The following PACRGL variants were observed in gnomAD, a reference collection of about 807,000 sequenced individuals.
PACRGL encodes the protein parkin coregulated like.
A neutral mutation model predicts 34.5 loss-of-function variants in PACRGL; 38 were observed. The observed-to-expected ratio is 1.10, with a 90% confidence interval of 0.85 to 1.44. The LOEUF (loss-of-function observed/expected upper bound fraction) is 1.44, where lower values mean the gene tolerates loss of function less well. PACRGL is among the 40% of genes most tolerant of loss of function. The pLI, the probability that PACRGL is intolerant of heterozygous loss-of-function variation, is 0.00. For missense variants in PACRGL, 305 were observed against 281.4 expected (o/e 1.08, Z -0.60); for synonymous variants, 128 against 100.1 (o/e 1.28, Z -1.66).
chr4:20,712,908 C>A lies in PACRGL; in HGVS notation c.487C>A (p.Leu163Ile). The A allele has an allele frequency of 6.3e-7, 1 of 1,576,286 alleles. No individual in the cohort carries two copies. The highest frequency in any genetic ancestry group is 8.6e-7 in the Non-Finnish European group (1 of 1,158,724). ...TTTGCTACCTAGACTGATTCCTGTG[C>A]TAAAGGCAGCTCTGGTATGTCATTT... ...IPLLPRLIPV[L>I]KAALVHSDDE... Residue 163 changes from leucine to isoleucine, a missense_variant, in exon 6 of 9, where the codon CTA becomes ATA. Coordinates refer to ENST00000503585, the MANE Select transcript of PACRGL (RefSeq NM_001258345.3).
intron 6 of PACRGL, 183 bp downstream of exon 6, chr4:20,713,105 T>TG (rs1234719802): frequency 3.3e-6 from 2 of 603,400 alleles, no homozygotes; most frequent in Non-Finnish European, 5.3e-6. Flanking sequence ...ACTACATACT[T>TG]GAAGACATCT....
At chr4:20,719,500 A>AATAT (rs1157650364) in intron 7 of PACRGL, among the ~76,000 whole-genome samples, 3 of 152,210 alleles carry the variant, frequency 2.0e-5, no homozygotes, top group African/African-American at 7.2e-5. Flanking sequence ...CACTGCTTTA[A>AATAT]ATATGTCCCA....
chr4:20,740,858 A>G (rs937139073), intron 8 of PACRGL, among the ~76,000 whole-genome samples: 3 of 152,184 alleles, frequency 2.0e-5, no homozygotes, highest in Admixed American at 6.5e-5. Flanking sequence ...TAGGCTCAAA[A>G]TAAAGGGATG....
At chr4:20,700,222 C>G (rs906172142), upstream of PACRGL, among the ~76,000 whole-genome samples, 1 of 152,220 alleles carries the variant, frequency 6.6e-6, no homozygotes, top group African/African-American at 2.4e-5. Flanking sequence ...CCGTCATCGT[C>G]CCTCTGCTCT....
intron 8 of PACRGL, among the ~76,000 whole-genome samples, chr4:20,748,894 G>A (rs868801923): frequency 2.8e-5 from 4 of 145,248 alleles, no homozygotes; most frequent in Non-Finnish European, 4.5e-5. Flanking sequence ...GTGTGTGTGT[G>A]TATATATATA....
At position 20,725,830 on chromosome 4, in the gene PACRGL, C is replaced by T. The variant is rs1021701977; in HGVS notation, c.690+942C>T. 2.0e-5 allele frequency among the ~76,000 whole-genome samples: 3 copies of T among 151,586 alleles called. No homozygotes were observed. In the South Asian group the frequency reaches 6.3e-4, roughly 32 times the overall value. ...AAGAGGAAGTAAGTGTCTAAGCCTACTAGATAATGAATTTCTTTGTTGTGT... is the reference window on the plus strand; with the variant it reads ...AAGAGGAAGTAAGTGTCTAAGCCTATTAGATAATGAATTTCTTTGTTGTGT... On this transcript the variant is annotated intron_variant, in intron 8 of 8. Transcript: ENST00000503585.
At chr4:20,744,916 G>A (rs1752087535) in intron 8 of PACRGL, among the ~76,000 whole-genome samples, 1 of 152,148 alleles carries the variant, frequency 6.6e-6, no homozygotes, top group South Asian at 2.1e-4. Flanking sequence ...TCTGAGTCTA[G>A]TGATAGAGCC....
intron 3 of PACRGL, among the ~76,000 whole-genome samples, chr4:20,705,897 G>A (rs929010281): frequency 5.4e-5 from 8 of 146,964 alleles, no homozygotes; most frequent in Admixed American, 7.0e-5. Flanking sequence ...AGGCAGTGGA[G>A]GCATCTAGTG....
chr4:20,739,470 C>T (rs922604738), intron 8 of PACRGL, among the ~76,000 whole-genome samples: 1 of 152,180 alleles, frequency 6.6e-6, no homozygotes, highest in Admixed American at 6.5e-5. Context: ...AGTGGACCTC[C>T]AGCAAACTCC....
chr4:20,707,882 A>T lies in PACRGL; in HGVS notation c.275+12A>T. On this transcript the variant is annotated intron_variant, in intron 4 of 8. Transcript: ENST00000503585. ...GGTATTCCTTGCAGGTAAAATCAAT[A>T]TGATTTATAACTGACCAAATTATTC... is the stretch of plus-strand genomic sequence containing the variant. The T allele has an allele frequency of 6.3e-7, 1 of 1,593,614 alleles. No individual in the cohort carries two copies. The highest frequency in any genetic ancestry group is 8.6e-7 in the Non-Finnish European group (1 of 1,161,772).
intron 8 of PACRGL, among the ~76,000 whole-genome samples, chr4:20,751,843 C>T (rs142188094): frequency 6.6e-6 from 1 of 152,268 alleles, no homozygotes; most frequent in African/African-American, 2.4e-5. Context: ...AAATGTGCCT[C>T]TGCAGTTCTT....
rs1445185283 is a variant in PACRGL at position 20,707,338 on chromosome 4, A to G, written c.208-465A>G. ...GCATATATTTGTGAGAATCTTCCCC[A>G]TCTTCAATTCTCTCCCTCCTGCCCA... On this transcript the variant is annotated intron_variant, in intron 3 of 8. Transcript: ENST00000503585. Among the ~76,000 whole-genome samples, 4 of 152,284 alleles carry G rather than the reference A, an allele frequency of 2.6e-5. No individual in the cohort carries two copies. The East Asian group carries it at 5.8e-4, about 22-fold the overall frequency.
intron 7 of PACRGL, among the ~76,000 whole-genome samples, chr4:20,720,350 G>A (rs1010994992): frequency 3.3e-5 from 5 of 152,082 alleles, no homozygotes; most frequent in African/African-American, 1.2e-4. Flanking sequence ...GTATTGTTTT[G>A]TGTGAATCTG....
chr4:20,722,567 C>T (rs1484785338), intron 7 of PACRGL, among the ~76,000 whole-genome samples: 1 of 152,174 alleles, frequency 6.6e-6, no homozygotes, highest in African/African-American at 2.4e-5. Context: ...CCTTAGTGTC[C>T]AGGGTTTTTA....
At chr4:20,711,219 T>G (rs542796721) in intron 5 of PACRGL, among the ~76,000 whole-genome samples, 33 of 152,216 alleles carry the variant, frequency 2.2e-4, no homozygotes, top group African/African-American at 7.9e-4. Context: ...GTGAAGCTAA[T>G]CATATTGTAC....
chr4:20,713,103 C>A, intron 6 of PACRGL, 181 bp downstream of exon 6: 1 of 607,276 alleles, frequency 1.6e-6, no homozygotes, highest in Non-Finnish European at 2.6e-6. Flanking sequence ...TAACTACATA[C>A]TTGAAGACAT....
upstream of PACRGL, among the ~76,000 whole-genome samples, chr4:20,697,506 A>G (rs1260168339): frequency 6.6e-6 from 1 of 152,234 alleles, no homozygotes; most frequent in African/African-American, 2.4e-5. Flanking sequence ...TAACAAAAAT[A>G]GGGCAATTTG....
rs1261788637 is a variant in PACRGL at position 20,742,468 on chromosome 4, A to G, written c.*57-10097A>G. ...ATAAACAAAACCAAAGACAAAAACC[A>G]CATGATTATCTCAACAGACACAGAA... On this transcript the variant is annotated intron_variant, in intron 8 of 8. Coordinates refer to the PACRGL transcript ENST00000507634. Among the ~76,000 whole-genome samples the G allele has an allele frequency of 2.0e-5, 3 of 152,294 alleles. No homozygotes were observed. The East Asian group carries it at 5.8e-4, about 29-fold the overall frequency.
At chr4:20,744,955 T>A (rs1413934359) in intron 8 of PACRGL, among the ~76,000 whole-genome samples, 3 of 152,108 alleles carry the variant, frequency 2.0e-5, no homozygotes, top group Non-Finnish European at 4.4e-5. Flanking sequence ...GGAAGCACAT[T>A]TTATCCCTTT....
Sources: gnomAD v4.1 joint callset for allele counts (sites outside exome capture counted in the v4.1 genomes callset) on GRCh38, gnomAD v4.1.1 for gene constraint, MANE v1.5 for transcripts, NCBI Gene and HGNC (gene_info 2026-07-23, HGNC 2026-07-21) for gene names.